Variants in WEE2 observed in about 807,000 individuals in gnomAD.
WEE2 encodes WEE2 oocyte meiosis inhibiting kinase, also known as wee1-like protein kinase 2.
A neutral mutation model predicts 60.1 loss-of-function variants in WEE2; 50 were observed. That is an observed-to-expected ratio of 0.83 (90% confidence interval 0.66 to 1.05). The LOEUF (loss-of-function observed/expected upper bound fraction) is 1.05. WEE2 is among the 50% of genes least tolerant of loss of function. The pLI is 0.00. For missense variants in WEE2, 631 were observed against 684.3 expected, an observed-to-expected ratio of 0.92 and a Z score of 0.87; for synonymous variants, 240 against 241.0, an observed-to-expected ratio of 1.00 and a Z score of 0.04.
In WEE2 at chr7:141,716,202, CT is replaced by C. The variant is rs200089139; in HGVS notation, c.540-11del. On this transcript the variant is annotated intron_variant, in intron 2 of 11. Coordinates refer to ENST00000397541, the MANE Select transcript of WEE2 (RefSeq NM_001105558.1). ...TAAATATTAATTATATATTGATAAA[CT>C]TTTTTTTTCTTTTTTAAGTGAGGAA... is the stretch of plus-strand genomic sequence containing the variant. The C allele has an allele frequency of 3.6e-5, 57 of 1,596,176 alleles. No homozygotes were observed. Among genetic ancestry groups the C allele is most frequent in the Admixed American group, 2.4e-4 (14 of 59,466 alleles).
chr7:141,723,322 C>G, intron 6 of WEE2, 42 bp downstream of exon 6: 1 of 1,596,194 alleles, frequency 6.3e-7, no homozygotes, highest in East Asian at 2.2e-5. Flanking sequence ...GTATTTTGTT[C>G]TTTCTATGCT....
chr7:141,709,961 A>G (rs1318748754), intron 1 of WEE2, among the ~76,000 whole-genome samples: 1 of 152,182 alleles, frequency 6.6e-6, no homozygotes, highest in Non-Finnish European at 1.5e-5. Flanking sequence ...TCATAATAAC[A>G]TCTGTGATCC....
chr7:141,723,767 T>C, intron 6 of WEE2, 174 bp from the exon 7 acceptor site: 1 of 536,698 alleles, frequency 1.9e-6, no homozygotes, highest in South Asian at 2.9e-5. Flanking sequence ...GTATTATCAA[T>C]CACTAGCTGT....
intron 1 of WEE2, among the ~76,000 whole-genome samples, chr7:141,712,510 T>C (rs1476640): frequency 0.59 from 90,363 of 151,936 alleles, 27,293 homozygotes; most frequent in African/African-American, 0.71. Flanking sequence ...TCTTTTCATA[T>C]GTCTTATCTC....
chr7:141,709,143 T>C (rs1232786104), intron 1 of WEE2, 43 bp downstream of exon 1: 2 of 1,547,298 alleles, frequency 1.3e-6, no homozygotes, highest in Non-Finnish European at 1.8e-6. Context: ...GTCGCCAAGC[T>C]CTGCTTTCCT....
At chr7:141,714,555 T>A in intron 2 of WEE2, 150 bp downstream of exon 2, 1 of 611,172 alleles carries the variant, frequency 1.6e-6, no homozygotes, top group Non-Finnish European at 2.8e-6. Flanking sequence ...ATATCAATGC[T>A]GGTTTTACCT....
At position 141,725,061 on chromosome 7, in the gene WEE2, C is replaced by T. The variant is rs745520577; in HGVS notation, c.1257C>T (p.Ala419=). Reference sequence around the variant, plus strand: ...ACCTTCCCAAAGCAGACATATTTGCCTTGGGATTAACAATTGCAGTGGCTG... The same window carrying T: ...ACCTTCCCAAAGCAGACATATTTGCTTTGGGATTAACAATTGCAGTGGCTG... ...YRHLPKADIF[A]LGLTIAVAAG... is the part of the protein sequence containing the mutation. Residue 419 remains alanine (A), a synonymous_variant, in exon 9 of 12, where the codon GCC becomes GCT. Coordinates refer to ENST00000397541, the MANE Select transcript of WEE2 (RefSeq NM_001105558.1). The T allele has an allele frequency of 1.0e-4, 161 of 1,613,968 alleles. 1 individual carries two copies. The South Asian group carries it at 1.5e-3, about 15-fold the overall frequency.
intron 5 of WEE2, 123 bp from the exon 6 acceptor site, chr7:141,723,011 G>T (rs1798944551): frequency 1.6e-6 from 2 of 1,270,424 alleles, no homozygotes; most frequent in Admixed American, 2.2e-5. Flanking sequence ...GGCATTTGGG[G>T]CTTTGATATC....
At chr7:141,714,129 A>G in intron 1 of WEE2, 80 bp from the exon 2 acceptor site, 2 of 1,248,900 alleles carry the variant, frequency 1.6e-6, no homozygotes, top group Non-Finnish European at 2.2e-6. Flanking sequence ...GCATTCTTAG[A>G]TTCAAATATT....
chr7:141,709,386 A>G (rs186348185), intron 1 of WEE2, among the ~76,000 whole-genome samples: 1 of 152,312 alleles, frequency 6.6e-6, no homozygotes, highest in Admixed American at 6.5e-5. Flanking sequence ...GAATATTGGA[A>G]CTGGAAGGAA....
chr7:141,721,676 C>T (rs1470949874), intron 5 of WEE2, among the ~76,000 whole-genome samples: 1 of 151,962 alleles, frequency 6.6e-6, no homozygotes, highest in African/African-American at 2.4e-5. Flanking sequence ...GTTGGTCATG[C>T]TGGTCTTGAA....
At chr7:141,728,209 G>C (rs1002686285) in intron 10 of WEE2, 1 of 152,180 alleles carries the variant, frequency 6.6e-6, no homozygotes. Context: ...GCAGTGTTCT[G>C]AAGGCATTTT....
In WEE2 at chr7:141,708,365, A is replaced by G. The variant is rs1798651978; in HGVS notation, c.-394A>G. ...AAGGAGTGAAAATAATTTCTTTTCA[A>G]TATTAGCTTATTCCCAAATTGGCTA... On this transcript the variant is annotated 5_prime_UTR_variant, in exon 1 of 12. Coordinates refer to ENST00000397541, the MANE Select transcript of WEE2 (RefSeq NM_001105558.1). 5.5e-6 allele frequency: 1 copy of G among 183,452 alleles called. No homozygotes were observed. The highest frequency in any genetic ancestry group is 5.5e-5 in the Admixed American group (1 of 18,334). The allele number at this position is 183,452 out of a possible 1,614,324, so 11.4% of individuals were successfully genotyped here. A position where few individuals can be genotyped will look rare whatever the true frequency, so the allele number is the denominator to read the frequency against.
chr7:141,716,201 A>G, intron 2 of WEE2, 21 bp from the exon 3 acceptor site: 1 of 1,602,556 alleles, frequency 6.2e-7, no homozygotes, highest in East Asian at 2.2e-5. Context: ...ATATTGATAA[A>G]CTTTTTTTTT....
chr7:141,727,086 T>C (rs1799030650), intron 9 of WEE2: 1 of 468,454 alleles, frequency 2.1e-6, no homozygotes, highest in African/African-American at 2.0e-5. Context: ...CAAAATATGA[T>C]TAAAAACAAA....
rs1273299759 is a variant in WEE2 at position 141,723,941 on chromosome 7, G to C, written c.1028G>C (p.Ser343Thr). The C allele has an allele frequency of 3.2e-6, 5 of 1,586,478 alleles. No individual in the cohort carries two copies. Among genetic ancestry groups the C allele is most frequent in the Non-Finnish European group, 4.3e-6 (5 of 1,165,430 alleles). The change falls in exon 7 of 12, where the codon AGT becomes ACT. Residue 343 changes from serine to threonine, a missense_variant and splice_region_variant. Coordinates refer to ENST00000397541, the MANE Select transcript of WEE2 (RefSeq NM_001105558.1). ...SSMVHLDIKP[S>T]NIFICHKMQS... The stretch of plus-strand genomic sequence containing the variant: ...ATCTATCCTGTCATTTTTTTTTCAG[G>C]TAATATATTCATTTGTCACAAGATG...
intron 1 of WEE2, among the ~76,000 whole-genome samples, chr7:141,710,682 G>C (rs1360920625): frequency 6.6e-6 from 1 of 152,186 alleles, no homozygotes; most frequent in Non-Finnish European, 1.5e-5. Context: ...GCCAGGCAAA[G>C]AGGGGAATAG....
intron 10 of WEE2, chr7:141,727,667 C>A: frequency 7.9e-6 from 4 of 506,782 alleles, no homozygotes; most frequent in Non-Finnish European, 1.0e-5. Flanking sequence ...TTCCAGTTAA[C>A]GCAAACAAAG....
chr7:141,725,821 CAG>C (rs1358342108), intron 9 of WEE2, among the ~76,000 whole-genome samples: 3 of 152,188 alleles, frequency 2.0e-5, no homozygotes, highest in Non-Finnish European at 4.4e-5. Flanking sequence ...AACCATGGCT[CAG>C]AGCAGCTCCT....
Sources: allele counts gnomAD v4.1 joint callset (sites outside exome capture counted in the v4.1 genomes callset), GRCh38; gene constraint gnomAD v4.1.1; transcripts MANE v1.5; gene names NCBI Gene and HGNC (gene_info 2026-07-23, HGNC 2026-07-21).